Variants in ARL15 observed in about 807,000 individuals in gnomAD.
ARL15 encodes the protein ARF like GTPase 15.
ARL15 carries 19 observed loss-of-function variants against 25.2 expected under a neutral mutation model. That is an observed-to-expected ratio of 0.75 (90% CI 0.53 to 1.10). The LOEUF is 1.10. ARL15 is among the 50% of genes least tolerant of loss of function. The pLI is 0.00. For synonymous variants in ARL15, 94 were observed against 86.8 expected, an observed-to-expected ratio of 1.08 and a Z score of -0.46; for missense variants, 220 against 246.0, an observed-to-expected ratio of 0.89 and a Z score of 0.71.
chr5:53,913,791 T>C (rs1189766017), intron 4 of ARL15, among the ~76,000 whole-genome samples: 1 of 152,206 alleles, frequency 6.6e-6, no homozygotes, highest in Non-Finnish European at 1.5e-5. Context: ...CTAATCACAA[T>C]AGCTGAAGGT....
At chr5:53,997,181 C>T (rs900783770) in intron 4 of ARL15, among the ~76,000 whole-genome samples, 18 of 152,146 alleles carry the variant, frequency 1.2e-4, no homozygotes, top group Admixed American at 6.6e-5. Flanking sequence ...TTCACAAAAA[C>T]CTTTCAAACT....
chr5:53,921,336 CT>C (rs1442389331), intron 4 of ARL15, among the ~76,000 whole-genome samples: 1 of 152,176 alleles, frequency 6.6e-6, no homozygotes, highest in Non-Finnish European at 1.5e-5. Flanking sequence ...ACTGTCCCCC[CT>C]ATAGCTATTG....
chr5:53,890,212 T>C (rs1744667233), intron 4 of ARL15, among the ~76,000 whole-genome samples: 1 of 152,234 alleles, frequency 6.6e-6, no homozygotes. Flanking sequence ...ATTTGAATTG[T>C]TCACCATTGC....
chr5:54,102,610 G>C (rs997008988), intron 4 of ARL15, among the ~76,000 whole-genome samples: 5 of 152,078 alleles, frequency 3.3e-5, no homozygotes, highest in Non-Finnish European at 5.9e-5. Context: ...CCTGATGAGA[G>C]AGCATCTTTC....
intron 4 of ARL15, among the ~76,000 whole-genome samples, chr5:53,943,631 C>T (rs1298025311): frequency 6.6e-6 from 1 of 152,102 alleles, no homozygotes; most frequent in Non-Finnish European, 1.5e-5. Context: ...TGAGGTTTCA[C>T]AGGTGGTACA....
chr5:54,067,543 C>T (rs1751278877), intron 4 of ARL15, among the ~76,000 whole-genome samples: 1 of 152,148 alleles, frequency 6.6e-6, no homozygotes, highest in African/African-American at 2.4e-5. Flanking sequence ...CAGGAAGAAC[C>T]TATTTAAATA....
rs572192413 is a variant in ARL15, at chr5:54,124,660, A to G, written c.254-11250T>C. Among the ~76,000 whole-genome samples the G allele has an allele frequency of 3.9e-5, 6 of 152,316 alleles. 1 individual carries two copies. The East Asian group carries it at 1.2e-3, about 29-fold the overall frequency. On this transcript the variant is annotated intron_variant, in intron 3 of 4. Transcript: ENST00000504924. ...GCACCATTGTTAATAATAGATATAT[A>G]AAAAACTTTAGAATGACCCATATTT...
intron 4 of ARL15, among the ~76,000 whole-genome samples, chr5:54,005,634 C>T (rs986413049): frequency 2.0e-5 from 3 of 152,032 alleles, no homozygotes; most frequent in East Asian, 3.9e-4. Flanking sequence ...GAGGCCGAGG[C>T]GGGCGGATCA....
intron 4 of ARL15, among the ~76,000 whole-genome samples, chr5:53,929,968 T>C (rs1746150220): frequency 6.6e-6 from 1 of 152,074 alleles, no homozygotes; most frequent in South Asian, 2.1e-4. Flanking sequence ...GCTGATCATT[T>C]ATTATAGGTT....
intron 4 of ARL15, among the ~76,000 whole-genome samples, chr5:53,996,722 A>C (rs1465458379): frequency 6.6e-6 from 1 of 151,844 alleles, no homozygotes; most frequent in African/African-American, 2.4e-5. Context: ...ACCTAAAAAT[A>C]GGTTTCTGAG....
intron 1 of ARL15, among the ~76,000 whole-genome samples, chr5:54,291,706 C>T (rs887894011): frequency 2.6e-5 from 4 of 152,116 alleles, no homozygotes; most frequent in Admixed American, 2.6e-4. Context: ...CTGAACAGGC[C>T]CCACTAGTTC....
At chr5:54,140,465 T>C (rs1579840511) in intron 3 of ARL15, among the ~76,000 whole-genome samples, 2 of 139,614 alleles carry the variant, frequency 1.4e-5, no homozygotes, top group Admixed American at 7.2e-5. Flanking sequence ...GATAGATAGA[T>C]AGAGATAGAG....
chr5:53,912,483 T>C (rs554809435), intron 4 of ARL15, among the ~76,000 whole-genome samples: 1 of 152,302 alleles, frequency 6.6e-6, no homozygotes, highest in Non-Finnish European at 1.5e-5. Context: ...CAATGCCTCC[T>C]GAAGTCCCTT....
At chr5:54,276,954 C>T (rs775531104) in intron 1 of ARL15, among the ~76,000 whole-genome samples, 1 of 152,148 alleles carries the variant, frequency 6.6e-6, no homozygotes, top group Non-Finnish European at 1.5e-5. Flanking sequence ...CCAGTGAAAC[C>T]CACTTCAGGC....
At chr5:54,181,358 T>A (rs1005617097) in intron 1 of ARL15, among the ~76,000 whole-genome samples, 1 of 152,234 alleles carries the variant, frequency 6.6e-6, no homozygotes, top group African/African-American at 2.4e-5. Context: ...CTAACCTTTA[T>A]ATGCCATATT....
At chr5:54,002,052 G>A (rs914307347) in intron 4 of ARL15, among the ~76,000 whole-genome samples, 1 of 152,134 alleles carries the variant, frequency 6.6e-6, no homozygotes, top group African/African-American at 2.4e-5. Flanking sequence ...GTCACTGGAC[G>A]CTAAAAAATC....
intron 4 of ARL15, among the ~76,000 whole-genome samples, chr5:54,036,091 A>T (rs1750156580): frequency 6.6e-6 from 1 of 152,016 alleles, no homozygotes. Flanking sequence ...TCAAAGTTGC[A>T]GTTAGCTAAG....
intron 1 of ARL15, among the ~76,000 whole-genome samples, chr5:54,243,713 A>T (rs778320846): frequency 6.6e-6 from 1 of 152,192 alleles, no homozygotes; most frequent in Non-Finnish European, 1.5e-5. Flanking sequence ...CCCAATTCTG[A>T]TTTTTCAAAA....
chr5:53,908,054 A>G (rs1390819668), intron 4 of ARL15, among the ~76,000 whole-genome samples: 2 of 152,166 alleles, frequency 1.3e-5, no homozygotes, highest in East Asian at 3.8e-4. Context: ...CCCCCTTTAC[A>G]TGCAGTTTCG....
Sources: gnomAD v4.1 joint callset for allele counts (sites outside exome capture counted in the v4.1 genomes callset) on GRCh38, gnomAD v4.1.1 for gene constraint, MANE v1.5 for transcripts, NCBI Gene and HGNC (gene_info 2026-07-23, HGNC 2026-07-21) for gene names.